Variants in MVB12B observed in about 807,000 individuals in gnomAD.
MVB12B encodes multivesicular body subunit 12B, also known as ESCRT-I complex subunit MVB12B.
In MVB12B, 16 loss-of-function variants were observed where a neutral mutation model predicts 41.6. The ratio of observed to expected loss-of-function variants is 0.38; its 90% CI spans 0.26 to 0.58. The LOEUF is 0.58. Among genes scored for constraint, MVB12B ranks in the 20% least tolerant of loss-of-function variants. The probability of loss-of-function intolerance (pLI) is 0.62; values close to 1 mark genes in which losing one functional copy is unlikely to be tolerated. For missense variants in MVB12B, 274 were observed against 380.2 expected, an observed-to-expected ratio of 0.72 and a Z score of 2.32; for synonymous variants, 133 against 139.7, an observed-to-expected ratio of 0.95 and a Z score of 0.34.
intron 9 of MVB12B, among the ~76,000 whole-genome samples, chr9:126,484,348 G>A (rs901823428): frequency 2.6e-5 from 4 of 152,242 alleles, no homozygotes; most frequent in Non-Finnish European, 5.9e-5. Flanking sequence ...GGAGGTTGGA[G>A]GACAGGCACC....
intron 7 of MVB12B, among the ~76,000 whole-genome samples, chr9:126,464,644 CTG>C (rs1833161923): frequency 6.6e-6 from 1 of 152,242 alleles, no homozygotes; most frequent in African/African-American, 2.4e-5. Context: ...TCCCTTAACT[CTG>C]TGTGGAGCTT....
chr9:126,373,686 T>C (rs1030623710), intron 2 of MVB12B, among the ~76,000 whole-genome samples: 1 of 152,242 alleles, frequency 6.6e-6, no homozygotes, highest in African/African-American at 2.4e-5. Context: ...ACGGTTGAAA[T>C]GATTGACTGC....
In MVB12B at chr9:126,505,896, G is replaced by GT. The variant is rs1834060363; in HGVS notation, c.*2634dup. The GT allele has an allele frequency of 1.3e-5, 2 of 152,198 alleles. No homozygotes were observed. Among genetic ancestry groups the GT allele is most frequent in the Non-Finnish European group, 2.9e-5 (2 of 68,080 alleles). 9.4% of individuals were successfully genotyped at this position (152,198 alleles called of 1,614,324 possible). On this transcript the variant is annotated 3_prime_UTR_variant, in exon 10 of 10. Transcript: ENST00000361171. The stretch of plus-strand genomic sequence containing the variant: ...GAAGGGTCTTGGCCTCATCCCTCAG[G>GT]TCCCCCCACAGCACTTCCCACTACT...
At position 126,340,251 on chromosome 9, in the gene MVB12B, G is replaced by A. The variant is rs1375748319; in HGVS notation, c.82-257G>A. Among the ~76,000 whole-genome samples the A allele has an allele frequency of 6.6e-6, 1 of 152,116 alleles. No homozygotes were observed. The highest frequency in any genetic ancestry group is 1.5e-5 in the Non-Finnish European group (1 of 68,024). Reference sequence around the variant, plus strand: ...TGACGTGCTCTTGGGTTTGAGTCAAGCTCACCTCCTGAGAGTAGAGACAAG... The same window carrying A: ...TGACGTGCTCTTGGGTTTGAGTCAAACTCACCTCCTGAGAGTAGAGACAAG... On this transcript the variant is annotated intron_variant, in intron 1 of 9. Coordinates refer to ENST00000361171, the MANE Select transcript of MVB12B (RefSeq NM_033446.3). The surrounding 1 kb of genome is among the most constrained non-coding windows in gnomAD (Gnocchi z 4.0).
intron 9 of MVB12B, among the ~76,000 whole-genome samples, chr9:126,501,098 C>G (rs567792790): frequency 2.0e-5 from 3 of 152,356 alleles, no homozygotes; most frequent in South Asian, 4.1e-4. Context: ...GGCGCAGCTC[C>G]CCCTCCTCAG....
intron 7 of MVB12B, among the ~76,000 whole-genome samples, chr9:126,424,504 T>G (rs1041566907): frequency 2.0e-5 from 3 of 152,212 alleles, no homozygotes; most frequent in African/African-American, 7.2e-5. Context: ...GTCATCCTGA[T>G]TTTGCTGCTT....
chr9:126,409,225 TC>T (rs1831547311), intron 6 of MVB12B, among the ~76,000 whole-genome samples: 1 of 152,008 alleles, frequency 6.6e-6, no homozygotes, highest in African/African-American at 2.4e-5. Context: ...GTGCAGATGA[TC>T]CAAAATACAG....
At chr9:126,398,731 C>G (rs1831188232) in intron 6 of MVB12B, among the ~76,000 whole-genome samples, 2 of 151,556 alleles carry the variant, frequency 1.3e-5, no homozygotes, top group South Asian at 4.1e-4. Flanking sequence ...CAGGCTCTTT[C>G]GCCGCAGAGC....
chr9:126,388,147 C>T (rs1057023600), intron 4 of MVB12B, among the ~76,000 whole-genome samples: 4 of 152,124 alleles, frequency 2.6e-5, no homozygotes, highest in African/African-American at 9.7e-5. Flanking sequence ...TTCAGGATAT[C>T]ACCCCTGTAC....
chr9:126,489,268 T>C (rs1467902368), intron 9 of MVB12B, among the ~76,000 whole-genome samples: 1 of 152,196 alleles, frequency 6.6e-6, no homozygotes, highest in Non-Finnish European at 1.5e-5. Context: ...AAATTTGCTG[T>C]ATAGGCTTGG....
intron 6 of MVB12B, among the ~76,000 whole-genome samples, chr9:126,414,099 AAGC>A (rs949500481): frequency 1.4e-4 from 22 of 152,208 alleles, no homozygotes; most frequent in African/African-American, 5.1e-4. Flanking sequence ...AACAAGGAAA[AAGC>A]AGAATCCCAT....
intron 2 of MVB12B, among the ~76,000 whole-genome samples, chr9:126,363,087 T>C (rs1315778852): frequency 1.3e-5 from 2 of 151,806 alleles, no homozygotes; most frequent in African/African-American, 2.4e-5. Flanking sequence ...CTCAGGAGGC[T>C]GAGGCAGGAG....
intron 6 of MVB12B, among the ~76,000 whole-genome samples, chr9:126,409,102 G>A (rs550310148): frequency 2.0e-5 from 3 of 149,996 alleles, no homozygotes; most frequent in East Asian, 2.0e-4. Flanking sequence ...CAACGGCATC[G>A]TGACTTCCAT....
chr9:126,337,042 T>C (rs1360282524), intron 1 of MVB12B, among the ~76,000 whole-genome samples: 2 of 152,298 alleles, frequency 1.3e-5, no homozygotes, highest in Admixed American at 6.5e-5. Flanking sequence ...ATTGGCCCAA[T>C]CCTATAGTTC....
chr9:126,487,753 C>T (rs984197097), intron 9 of MVB12B, among the ~76,000 whole-genome samples: 7 of 136,056 alleles, frequency 5.1e-5, no homozygotes, highest in Admixed American at 1.6e-4. Context: ...GGCCACAGGG[C>T]GAGACTCCGT....
chr9:126,447,129 G>A lies in MVB12B; in HGVS notation c.757+25181G>A, dbSNP rs191639805. On this transcript the variant is annotated intron_variant, in intron 7 of 9. Coordinates refer to ENST00000361171, the MANE Select transcript of MVB12B (RefSeq NM_033446.3). ...CTGGCTAATTTTTGTATTTTTAGTA[G>A]AGATGGGGTTTCACCATGTTGGCCA... Among the ~76,000 whole-genome samples, 30 of 150,808 alleles carry A rather than the reference G, an allele frequency of 2.0e-4. 1 individual carries two copies. Among genetic ancestry groups the A allele is most frequent in the Admixed American group, 1.2e-3 (18 of 15,182 alleles).
intron 2 of MVB12B, among the ~76,000 whole-genome samples, chr9:126,370,802 C>A (rs1830315588): frequency 6.6e-6 from 1 of 152,050 alleles, no homozygotes; most frequent in South Asian, 2.1e-4. Context: ...CCTTTGGGAT[C>A]CCTAGGGATA....
Position 126,459,230 on chromosome 9 carries a change from C to T in MVB12B, c.758-22139C>T, listed in dbSNP as rs746008441. ...GCCTTGTCGTAAACTCAGAGTGTCA[C>T]GAGCCTGGCCTGCTGAGTGGTGCCA... On this transcript the variant is annotated intron_variant, in intron 7 of 9. Transcript: ENST00000361171. This position sits in a 1 kb window ranked among gnomAD's most constrained non-coding sequence, Gnocchi z 4.3. 4.9e-4 allele frequency among the ~76,000 whole-genome samples: 75 copies of T among 152,190 alleles called. No individual in the cohort carries two copies. The highest frequency in any genetic ancestry group is 2.2e-4 in the Non-Finnish European group (15 of 68,024).
intron 6 of MVB12B, among the ~76,000 whole-genome samples, chr9:126,404,369 A>G (rs1012597254): frequency 7.9e-5 from 12 of 152,190 alleles, no homozygotes; most frequent in Non-Finnish European, 1.6e-4. Flanking sequence ...TCATACAGTT[A>G]GCAAGTGTCA....
Sources: allele counts gnomAD v4.1 joint callset (sites outside exome capture counted in the v4.1 genomes callset), GRCh38; gene constraint gnomAD v4.1.1; non-coding constraint Gnocchi (gnomAD v3.1); transcripts MANE v1.5; gene names NCBI Gene and HGNC (gene_info 2026-07-23, HGNC 2026-07-21).